The following PSME4 variants were observed in gnomAD, a reference collection of about 807,000 sequenced individuals.
PSME4 encodes proteasome activator complex subunit 4.
A neutral mutation model predicts 253.9 loss-of-function variants in PSME4; 89 were observed. The observed-to-expected ratio is 0.35, with a 90% confidence interval of 0.30 to 0.42. The LOEUF (loss-of-function observed/expected upper bound fraction) is 0.42, where lower values mean the gene tolerates loss of function less well. PSME4 is among the 10% of genes least tolerant of loss of function. PSME4 has a pLI of 1.00. For missense variants in PSME4, 2,014 were observed against 2,195.2 expected (o/e 0.92, Z 1.65); for synonymous variants, 851 against 759.2 (o/e 1.12, Z -1.99).
intron 44 of PSME4, 78 bp from the exon 45 acceptor site, chr2:53,866,958 T>G (rs1678595092): frequency 1.5e-6 from 2 of 1,377,820 alleles, no homozygotes; most frequent in East Asian, 4.8e-5. Flanking sequence ...AAAATTAGTT[T>G]TCAATTGTGT....
At chr2:53,936,886 C>T in intron 5 of PSME4, 59 bp from the exon 6 acceptor site, 2 of 1,162,512 alleles carry the variant, frequency 1.7e-6, no homozygotes, top group Non-Finnish European at 2.5e-6. Flanking sequence ...TCAATGCCAG[C>T]TATGCTTTGT....
At chr2:53,904,919 C>T (rs1272312397) in intron 26 of PSME4, among the ~76,000 whole-genome samples, 1 of 151,290 alleles carries the variant, frequency 6.6e-6, no homozygotes, top group Non-Finnish European at 1.5e-5. Flanking sequence ...ACTCAGGCGG[C>T]GGAGGTTGCA....
chr2:53,927,979 C>T lies in PSME4; in HGVS notation c.1503+138G>A. ...TAAATAAATAAATAAACAACTGTTA[C>T]TTTAATAATTAAATTATACAACATT... On this transcript the variant is annotated intron_variant, in intron 11 of 46. Coordinates refer to ENST00000404125, the MANE Select transcript of PSME4 (RefSeq NM_014614.3). The T allele has an allele frequency of 6.3e-6, 4 of 639,166 alleles. No homozygotes were observed. The South Asian group carries it at 9.5e-5, about 15-fold the overall frequency. 39.6% of individuals were successfully genotyped at this position (639,166 alleles called of 1,614,324 possible). A position where few individuals can be genotyped will look rare whatever the true frequency, so the allele number is the denominator to read the frequency against.
In PSME4 at chr2:53,923,109, C is replaced by T; in HGVS notation, c.1918G>A (p.Glu640Lys). Residue 640 changes from glutamate to lysine, a missense_variant, in exon 16 of 47, where the codon GAA becomes AAA. By Grantham distance (56) the Glu-to-Lys change is moderately conservative (BLOSUM62 1). Coordinates refer to ENST00000404125, the MANE Select transcript of PSME4 (RefSeq NM_014614.3). Reference sequence around the variant, plus strand: ...GGAACAAAGAGCTTCAAAGATTCTTCTGGGCAGCACTGAAAATGTATTTGT... The same window carrying T: ...GGAACAAAGAGCTTCAAAGATTCTTTTGGGCAGCACTGAAAATGTATTTGT... ...MCRAAVKCCPEESLKLFVPHC... is the reference protein window; with the variant it reads ...MCRAAVKCCPKESLKLFVPHC... The T allele has an allele frequency of 6.2e-7, 1 of 1,605,686 alleles. No individual in the cohort carries two copies. The highest frequency in any genetic ancestry group is 1.1e-5 in the South Asian group (1 of 89,824).
At chr2:53,965,794 C>A (rs534117362) in intron 1 of PSME4, among the ~76,000 whole-genome samples, 17 of 151,804 alleles carry the variant, frequency 1.1e-4, no homozygotes, top group Non-Finnish European at 1.8e-4. Context: ...CTCAGCCCCC[C>A]GAGTAGCTGG....
At chr2:53,940,953 ATATATATATATATAT>A (rs1558413683) in intron 3 of PSME4, among the ~76,000 whole-genome samples, 1 of 12,928 alleles carries the variant, frequency 7.7e-5, no homozygotes, top group Non-Finnish European at 1.2e-4. Context: ...ATATATATAC[ATATATATATATATAT>A]ATATATATAT....
At chr2:53,938,307 A>G (rs982041253) in intron 4 of PSME4, among the ~76,000 whole-genome samples, 10 of 152,178 alleles carry the variant, frequency 6.6e-5, no homozygotes, top group Non-Finnish European at 1.5e-4. Context: ...GTCCTCCCCT[A>G]TACGAGAAGA....
chr2:53,876,598 TAA>T (rs1553403883), intron 41 of PSME4, among the ~76,000 whole-genome samples: 1 of 151,728 alleles, frequency 6.6e-6, no homozygotes, highest in African/African-American at 2.4e-5. Flanking sequence ...TATATATATA[TAA>T]GCTTTCCCTC....
intron 10 of PSME4, among the ~76,000 whole-genome samples, chr2:53,928,800 T>C (rs1157943283): frequency 1.3e-5 from 2 of 152,186 alleles, no homozygotes; most frequent in African/African-American, 2.4e-5. Context: ...AGATTATTTA[T>C]TGCACATGTC....
At position 53,875,560 on chromosome 2, in the gene PSME4, A is replaced by T. The variant is rs995066045; in HGVS notation, c.4944+67T>A. Reference sequence around the variant, plus strand: ...CTAGGCGCTGTGTGCACTGCAGCTGACTGAAATTCTTAGAATGGTAAACCA... The same window carrying T: ...CTAGGCGCTGTGTGCACTGCAGCTGTCTGAAATTCTTAGAATGGTAAACCA... On this transcript the variant is annotated intron_variant, in intron 42 of 46. Coordinates refer to ENST00000404125, the MANE Select transcript of PSME4 (RefSeq NM_014614.3). 12 of 1,471,832 alleles carry T rather than the reference A, an allele frequency of 8.2e-6. No homozygotes were observed. In the African/African-American group the frequency reaches 1.6e-4, roughly 19 times the overall value. The allele number at this position is 1,471,832 out of a possible 1,614,324, so 91.2% of individuals were successfully genotyped here. A position where few individuals can be genotyped will look rare whatever the true frequency, so the allele number is the denominator to read the frequency against.
chr2:53,944,190 G>A (rs193034191), intron 3 of PSME4, among the ~76,000 whole-genome samples: 1 of 151,986 alleles, frequency 6.6e-6, no homozygotes, highest in East Asian at 1.9e-4. Context: ...TGGGTGTCTG[G>A]CTCTGTAGCC....
intron 37 of PSME4, among the ~76,000 whole-genome samples, chr2:53,889,775 T>G (rs1679818595): frequency 6.6e-6 from 1 of 152,344 alleles, no homozygotes; most frequent in Non-Finnish European, 1.5e-5. Context: ...AATACATGAC[T>G]GTCACTTAAT....
At chr2:53,909,499 G>A (rs1239844100) in intron 21 of PSME4, among the ~76,000 whole-genome samples, 1 of 152,068 alleles carries the variant, frequency 6.6e-6, no homozygotes. Flanking sequence ...ATATATAAAA[G>A]CCTACCTCTG....
At chr2:53,876,518 A>G (rs1679127849) in intron 41 of PSME4, among the ~76,000 whole-genome samples, 1 of 151,954 alleles carries the variant, frequency 6.6e-6, no homozygotes, top group African/African-American at 2.4e-5. Context: ...TCTTTCTGTG[A>G]TAATCCATTA....
intron 20 of PSME4, among the ~76,000 whole-genome samples, chr2:53,917,807 T>G (rs1668125990): frequency 6.6e-6 from 1 of 152,236 alleles, no homozygotes; most frequent in Admixed American, 6.5e-5. Context: ...TTGAAGCCTC[T>G]TATTTTTAAA....
At chr2:53,928,004 T>G (rs779064609) in intron 11 of PSME4, 113 bp downstream of exon 11, 10 of 687,030 alleles carry the variant, frequency 1.5e-5, no homozygotes, top group Non-Finnish European at 2.3e-5. Context: ...TATACAACAT[T>G]TATTTTCATA....
chr2:53,926,065 G>GTT, intron 12 of PSME4, 42 bp from the exon 13 acceptor site: 3 of 1,485,298 alleles, frequency 2.0e-6, no homozygotes, highest in African/African-American at 1.4e-5. Context: ...TATAGCCTTT[G>GTT]TTTTTTTTTC....
rs1334022760 is a variant in PSME4 at position 53,923,367 on chromosome 2, CTT to C, written c.1860_1861del (p.Arg621SerfsTer40). On this transcript the variant is annotated frameshift_variant, in exon 15 of 47. Coordinates refer to ENST00000404125, the MANE Select transcript of PSME4 (RefSeq NM_014614.3). LOFTEE classifies it high-confidence loss of function. ...GTCTGCCACCATGCGACCTGCTACTCTTGTTTCAAATATATGTGAAGTAGAAA... is the reference window on the plus strand; with the variant it reads ...GTCTGCCACCATGCGACCTGCTACTCGTTTCAAATATATGTGAAGTAGAAA... The C allele has an allele frequency of 9.3e-6, 15 of 1,611,240 alleles. No individual in the cohort carries two copies. The highest frequency in any genetic ancestry group is 1.3e-5 in the Non-Finnish European group (15 of 1,179,270).
chr2:53,927,319 C>T, intron 12 of PSME4, 75 bp downstream of exon 12: 2 of 1,074,778 alleles, frequency 1.9e-6, no homozygotes, highest in Middle Eastern at 2.0e-4. Flanking sequence ...CGTTTCTAAA[C>T]TGTCAAGTGT....
Sources: allele counts gnomAD v4.1 joint callset (sites outside exome capture counted in the v4.1 genomes callset), GRCh38; gene constraint gnomAD v4.1.1; transcripts MANE v1.5; gene names NCBI Gene and HGNC (gene_info 2026-07-23, HGNC 2026-07-21).